The following ANKDD1B variants were observed in gnomAD, a reference collection of about 807,000 sequenced individuals.
ANKDD1B encodes ankyrin repeat and death domain-containing protein 1B.
A neutral mutation model predicts 59.7 loss-of-function variants in ANKDD1B; 57 were observed. The ratio of observed to expected loss-of-function variants is 0.95; its 90% CI spans 0.77 to 1.19. The LOEUF is 1.19. Ranked by LOEUF, ANKDD1B falls within the 50% of genes most tolerant of loss-of-function variation. The pLI, the probability that ANKDD1B is intolerant of heterozygous loss-of-function variation, is 0.00. For missense variants in ANKDD1B, 602 were observed against 641.9 expected (o/e 0.94, Z 0.67); for synonymous variants, 216 against 239.5 (o/e 0.90, Z 0.91).
At position 75,611,706 on chromosome 5, in the gene ANKDD1B, C is replaced by T; in HGVS notation, c.72C>T (p.Ala24=). The change falls in exon 1 of 14, where the codon GCC becomes GCT. Residue 24 remains alanine (A), a synonymous_variant. Coordinates refer to ENST00000601380, the MANE Select transcript of ANKDD1B (RefSeq NM_001276713.2). ...GGCTGCTGCTCCGGGCTGCTGCGGC[C>T]GCCAAGGGTCTCAGGGAAGACCTGT... The part of the protein sequence containing the change: ...AGGLLLRAAA[A]AKGLREDLWG... The T allele has an allele frequency of 8.1e-7, 1 of 1,231,770 alleles. No individual in the cohort carries two copies. The highest frequency in any genetic ancestry group is 1.0e-6 in the Non-Finnish European group (1 of 988,074). The allele number at this position is 1,231,770 out of a possible 1,614,324, so 76.3% of individuals were successfully genotyped here.
intron 2 of ANKDD1B, among the ~76,000 whole-genome samples, chr5:75,617,457 C>T (rs540209648): frequency 2.6e-4 from 39 of 152,208 alleles, no homozygotes; most frequent in Admixed American, 7.2e-4. Flanking sequence ...CGGGTTTTAG[C>T]GGAGGGAAAG....
chr5:75,634,068 G>A (rs1198147124), intron 5 of ANKDD1B, among the ~76,000 whole-genome samples: 1 of 152,204 alleles, frequency 6.6e-6, no homozygotes, highest in Non-Finnish European at 1.5e-5. Flanking sequence ...CTGCAGAACT[G>A]TGAGCTAAAT....
chr5:75,631,277 A>G (rs1185050250), intron 5 of ANKDD1B, among the ~76,000 whole-genome samples: 2 of 152,234 alleles, frequency 1.3e-5, no homozygotes, highest in East Asian at 3.8e-4. Flanking sequence ...TACCTTCTGC[A>G]TGATAATTTA....
At chr5:75,667,384 A>G (rs1156433147) in intron 12 of ANKDD1B, among the ~76,000 whole-genome samples, 2 of 152,108 alleles carry the variant, frequency 1.3e-5, no homozygotes, top group Admixed American at 1.3e-4. Context: ...CCTGGGGTGA[A>G]TGGGTTCATT....
intron 7 of ANKDD1B, 111 bp downstream of exon 7, chr5:75,635,993 A>T (rs1774292228): frequency 1.7e-6 from 1 of 585,422 alleles, no homozygotes; most frequent in African/African-American, 1.9e-5. Context: ...CATGGAGTGT[A>T]AAATGTGATG....
At chr5:75,640,343 C>T (rs1225980821) in intron 7 of ANKDD1B, among the ~76,000 whole-genome samples, 1 of 152,154 alleles carries the variant, frequency 6.6e-6, no homozygotes, top group Non-Finnish European at 1.5e-5. Context: ...TGAACCCAGC[C>T]ACTTTGACAC....
chr5:75,627,497 G>A (rs934944028), intron 5 of ANKDD1B, among the ~76,000 whole-genome samples: 7 of 152,118 alleles, frequency 4.6e-5, no homozygotes, highest in Non-Finnish European at 1.0e-4. Flanking sequence ...TTAGCAACAG[G>A]CCAGGCACAT....
intron 7 of ANKDD1B, among the ~76,000 whole-genome samples, chr5:75,642,017 T>G (rs1581143639): frequency 6.6e-6 from 1 of 152,136 alleles, no homozygotes; most frequent in African/African-American, 2.4e-5. Flanking sequence ...AAAATTATAG[T>G]GATAAATACT....
chr5:75,637,701 A>C (rs1248864262), intron 7 of ANKDD1B, among the ~76,000 whole-genome samples: 1 of 152,260 alleles, frequency 6.6e-6, no homozygotes, highest in Non-Finnish European at 1.5e-5. Flanking sequence ...GGAAAAAATA[A>C]GCAAGATAAC....
At chr5:75,635,523 T>G in intron 6 of ANKDD1B, 1 of 311,868 alleles carries the variant, frequency 3.2e-6, no homozygotes, top group Non-Finnish European at 5.8e-6. Flanking sequence ...TGTTGCTCCA[T>G]GTTTTGCTAG....
rs931344041 is a variant in ANKDD1B at position 75,611,560 on chromosome 5, CTG to C, written c.-71_-70del. On this transcript the variant is annotated 5_prime_UTR_variant, in exon 1 of 14. Transcript: ENST00000601380. ...GCCCTGGGCCTGCCTGGGTCTGGATCTGTGTCCGAGTCTGGGTCTGGATCTGG... is the reference window on the plus strand; with the variant it reads ...GCCCTGGGCCTGCCTGGGTCTGGATCTGTCCGAGTCTGGGTCTGGATCTGG... 4 of 1,167,464 alleles carry C rather than the reference CTG, an allele frequency of 3.4e-6. No individual in the cohort carries two copies. The highest frequency in any genetic ancestry group is 3.2e-5 in the African/African-American group (2 of 63,082). The allele number at this position is 1,167,464 out of a possible 1,614,324, so 72.3% of individuals were successfully genotyped here.
At chr5:75,664,635 A>G (rs910716504) in intron 11 of ANKDD1B, among the ~76,000 whole-genome samples, 1 of 152,168 alleles carries the variant, frequency 6.6e-6, no homozygotes, top group African/African-American at 2.4e-5. Flanking sequence ...TTCTTTGGAA[A>G]TAGAAATATT....
intron 2 of ANKDD1B, among the ~76,000 whole-genome samples, chr5:75,620,085 C>G (rs1246457581): frequency 1.3e-5 from 2 of 152,176 alleles, no homozygotes; most frequent in Non-Finnish European, 2.9e-5. Flanking sequence ...AGAATTTCAT[C>G]TTGCGGCGTG....
rs554635706 is a variant in ANKDD1B at position 75,616,810 on chromosome 5, C to G, written c.200C>G (p.Pro67Arg). The change falls in exon 2 of 14, where the codon CCA (proline) becomes CGA (arginine). Residue 67 changes from proline to arginine, a missense_variant. Pro to Arg is a moderately radical substitution (Grantham distance 103). Transcript: ENST00000601380. ...TTGCTTTGCTTTCTTTCAGTACTCC[C>G]AAATGAGAGAAGCTTTCAGAATGCT... ...TAVAGHELLL[P>R]NERSFQNAAK... The G allele has an allele frequency of 3.2e-5, 49 of 1,510,046 alleles. 2 individuals are homozygous for G. In the South Asian group the frequency reaches 5.2e-4, roughly 16 times the overall value. The allele number at this position is 1,510,046 out of a possible 1,614,324, so 93.5% of individuals were successfully genotyped here.
chr5:75,647,396 A>G lies in ANKDD1B; in HGVS notation c.799-5746A>G, dbSNP rs1452631998. Among the ~76,000 whole-genome samples the G allele has an allele frequency of 3.1e-5, 4 of 127,698 alleles. 1 individual carries two copies. Among genetic ancestry groups the G allele is most frequent in the Admixed American group, 2.9e-4 (4 of 13,764 alleles). The allele number at this position is 127,698 out of a possible 152,430, so 83.8% of individuals were successfully genotyped here. On this transcript the variant is annotated intron_variant, in intron 7 of 13. Coordinates refer to ENST00000601380, the MANE Select transcript of ANKDD1B (RefSeq NM_001276713.2). ...CCAGAATCTACAATGAATTCAAACAAATTTACAAGAAAAAAACAAACAACC... is the reference window on the plus strand; with the variant it reads ...CCAGAATCTACAATGAATTCAAACAGATTTACAAGAAAAAAACAAACAACC...
In ANKDD1B at chr5:75,634,889, G is replaced by C. The variant is rs1774257640; in HGVS notation, c.601-9G>C. On this transcript the variant is annotated splice_polypyrimidine_tract_variant and intron_variant, in intron 5 of 13. Coordinates refer to ENST00000601380, the MANE Select transcript of ANKDD1B (RefSeq NM_001276713.2). Reference sequence around the variant, plus strand: ...TAATAAATGCTTGAGGTTTGTGATTGATTTTTAGAAAGGAAGAAAACCATT... The same window carrying C: ...TAATAAATGCTTGAGGTTTGTGATTCATTTTTAGAAAGGAAGAAAACCATT... The C allele has an allele frequency of 8.6e-6, 13 of 1,508,908 alleles. No individual in the cohort carries two copies. The highest frequency in any genetic ancestry group is 1.4e-5 in the African/African-American group (1 of 72,590). 93.5% of individuals were successfully genotyped at this position (1,508,908 alleles called of 1,614,324 possible).
chr5:75,656,153 A>G, intron 9 of ANKDD1B, 26 bp downstream of exon 9: 1 of 1,177,264 alleles, frequency 8.5e-7, no homozygotes, highest in South Asian at 1.4e-5. Context: ...CAGAGCCTGG[A>G]GGGTCTCTTT....
At position 75,666,721 on chromosome 5, in the gene ANKDD1B, A is replaced by G. The variant is rs80063566; in HGVS notation, c.1192-71A>G. ...ACCTTACTAGTTATGTTTGAAAAAC[A>G]TATATACTCTGAAATAAGGTAATAA... On this transcript the variant is annotated intron_variant, in intron 11 of 13. Transcript: ENST00000601380. 1,029 of 1,163,960 alleles carry G rather than the reference A, an allele frequency of 8.8e-4. 8 individuals carry two copies. In the East Asian group the frequency reaches 0.02, roughly 23 times the overall value. The allele number at this position is 1,163,960 out of a possible 1,614,324, so 72.1% of individuals were successfully genotyped here.
Position 75,611,834 on chromosome 5 carries a change from C to T in ANKDD1B, c.193+7C>T. On this transcript the variant is annotated splice_region_variant and intron_variant, in intron 1 of 13. Coordinates refer to ENST00000601380, the MANE Select transcript of ANKDD1B (RefSeq NM_001276713.2). ...GTTGCCGGACACGAGCTCCGTGAGT[C>T]CCGGGACGAGGTCTCAGAAAATCAG... is the stretch of plus-strand genomic sequence containing the variant. The T allele has an allele frequency of 1.6e-6, 2 of 1,231,908 alleles. No homozygotes were observed. The highest frequency in any genetic ancestry group is 1.0e-6 in the Non-Finnish European group (1 of 988,216). 76.3% of individuals were successfully genotyped at this position (1,231,908 alleles called of 1,614,324 possible).
Sources: allele counts gnomAD v4.1 joint callset (sites outside exome capture counted in the v4.1 genomes callset), GRCh38; gene constraint gnomAD v4.1.1; transcripts MANE v1.5; gene names NCBI Gene and HGNC (gene_info 2026-07-23, HGNC 2026-07-21).